The following CDH13 variants were observed in gnomAD, a reference collection of about 807,000 sequenced individuals.
The protein encoded by CDH13 is cadherin 13.
A neutral mutation model predicts 63.8 loss-of-function variants in CDH13; 24 were observed. The observed-to-expected ratio is 0.38, with a 90% CI of 0.27 to 0.53. CDH13 has a LOEUF of 0.53. Ranked by LOEUF, CDH13 falls within the 20% of genes least tolerant of loss-of-function variation. The pLI, the probability that CDH13 is intolerant of heterozygous loss-of-function variation, is 0.85. For missense variants in CDH13, 1,049 were observed against 903.1 expected, an observed-to-expected ratio of 1.16 and a Z score of -2.07; for synonymous variants, 503 against 355.3, an observed-to-expected ratio of 1.42 and a Z score of -4.67.
chr16:82,734,372 G>A (rs536135560), intron 1 of CDH13, among the ~76,000 whole-genome samples: 1 of 152,312 alleles, frequency 6.6e-6, no homozygotes, highest in African/African-American at 2.4e-5. Context: ...GTTTTCCAGG[G>A]AGAGGGGACA....
chr16:83,346,314 T>C (rs186260357), intron 6 of CDH13, among the ~76,000 whole-genome samples: 173 of 152,284 alleles, frequency 1.1e-3, no homozygotes, highest in Admixed American at 2.5e-3. Context: ...CTGCTTTTGA[T>C]GGAAAGATGG....
chr16:82,974,460 C>G (rs1909215272), intron 2 of CDH13, among the ~76,000 whole-genome samples: 1 of 152,046 alleles, frequency 6.6e-6, no homozygotes, highest in Non-Finnish European at 1.5e-5. Flanking sequence ...TTATATTTGC[C>G]CAGAAATGGA....
At chr16:82,836,233 C>G (rs1200316649) in intron 1 of CDH13, among the ~76,000 whole-genome samples, 1 of 152,152 alleles carries the variant, frequency 6.6e-6, no homozygotes, top group Non-Finnish European at 1.5e-5. Flanking sequence ...ACTGCAACCT[C>G]CACCTCCTGG....
intron 3 of CDH13, among the ~76,000 whole-genome samples, chr16:83,090,248 C>G (rs73598194): frequency 0.03 from 4,533 of 152,188 alleles, 224 homozygotes; most frequent in African/African-American, 0.1. Context: ...CTGGTTCAGA[C>G]CATCCCAATC....
intron 10 of CDH13, among the ~76,000 whole-genome samples, chr16:83,722,974 G>T (rs558178138): frequency 6.6e-6 from 1 of 152,336 alleles, no homozygotes; most frequent in East Asian, 1.9e-4. Flanking sequence ...TCTGAGCACA[G>T]AGCTGAGCTG....
At chr16:83,682,199 C>G (rs996887402) in intron 10 of CDH13, among the ~76,000 whole-genome samples, 2 of 152,164 alleles carry the variant, frequency 1.3e-5, no homozygotes, top group African/African-American at 4.8e-5. Flanking sequence ...ATAGCAGTAT[C>G]CTCTGAGAGA....
intron 5 of CDH13, among the ~76,000 whole-genome samples, chr16:83,267,265 T>C (rs577899024): frequency 6.6e-6 from 1 of 152,250 alleles, no homozygotes; most frequent in South Asian, 2.1e-4. Context: ...GATGGTTAAT[T>C]CCCCACCTCC....
rs1915406800 is a variant in CDH13, at chr16:83,779,969, C to G, written c.1683C>G (p.Gly561=). 3 of 1,603,288 alleles carry G rather than the reference C, an allele frequency of 1.9e-6. No individual in the cohort carries two copies. Among genetic ancestry groups the G allele is most frequent in the South Asian group, 1.1e-5 (1 of 90,356 alleles). ...YTALFLAIDS[G]NPPATGTGTL... ...CAACATCTTCCCTTTTTCCCACAGG[C>G]AACCCTCCCGCTACGGGCACTGGGA... The change falls in exon 12 of 14, where the codon GGC becomes GGG. Residue 561 remains glycine (G), a splice_region_variant and synonymous_variant. Transcript: ENST00000567109.
rs1294084405 is a variant in CDH13, at chr16:83,475,191, G to T, written c.782-11286G>T. ...CAGCACAGGGACTGTCTGAGCAAGG[G>T]GTTCTGTGCAACTGTGCAGGTCACA... On this transcript the variant is annotated intron_variant, in intron 6 of 13. Coordinates refer to ENST00000567109, the MANE Select transcript of CDH13 (RefSeq NM_001257.5). Among the ~76,000 whole-genome samples, 3 of 152,336 alleles carry T rather than the reference G, an allele frequency of 2.0e-5. No individual in the cohort carries two copies. In the East Asian group the frequency reaches 5.8e-4, roughly 29 times the overall value.
chr16:83,267,663 C>G (rs2088665885), intron 5 of CDH13, among the ~76,000 whole-genome samples: 2 of 152,198 alleles, frequency 1.3e-5, no homozygotes, highest in South Asian at 2.1e-4. Context: ...TGCAAGCTCA[C>G]TCATCATATG....
chr16:82,822,572 C>T (rs1035271978), intron 1 of CDH13, among the ~76,000 whole-genome samples: 3 of 152,192 alleles, frequency 2.0e-5, no homozygotes, highest in African/African-American at 7.2e-5. Context: ...TCAAAGCTCA[C>T]TGTAGCCTTC....
chr16:83,514,939 A>G (rs2074667633), intron 7 of CDH13, among the ~76,000 whole-genome samples: 1 of 152,174 alleles, frequency 6.6e-6, no homozygotes. Flanking sequence ...TAGTTACTGC[A>G]GCTCCTGGAC....
chr16:83,418,835 C>T (rs1487425383), intron 6 of CDH13, among the ~76,000 whole-genome samples: 1 of 152,160 alleles, frequency 6.6e-6, no homozygotes, highest in Admixed American at 6.6e-5. Context: ...CCTTCCCTTT[C>T]CTTCTTTTCT....
chr16:83,628,421 T>C (rs1910510193), intron 8 of CDH13, among the ~76,000 whole-genome samples: 1 of 152,164 alleles, frequency 6.6e-6, no homozygotes, highest in Non-Finnish European at 1.5e-5. Context: ...ATAGTTTATT[T>C]TTTATGTTTG....
chr16:82,931,334 A>G (rs2042483948), intron 2 of CDH13, among the ~76,000 whole-genome samples: 1 of 152,244 alleles, frequency 6.6e-6, no homozygotes, highest in South Asian at 2.1e-4. Flanking sequence ...AATCACTGCT[A>G]AATATGAATA....
intron 8 of CDH13, among the ~76,000 whole-genome samples, chr16:83,653,231 G>T (rs941663552): frequency 6.6e-6 from 1 of 152,128 alleles, no homozygotes; most frequent in African/African-American, 2.4e-5. Flanking sequence ...GATTGTGGTG[G>T]TGGTTGCACA....
At chr16:82,857,757 G>A (rs1425803899) in intron 1 of CDH13, among the ~76,000 whole-genome samples, 2 of 152,096 alleles carry the variant, frequency 1.3e-5, no homozygotes, top group Non-Finnish European at 2.9e-5. Context: ...TAATTAATAT[G>A]AAATTATTGA....
intron 4 of CDH13, among the ~76,000 whole-genome samples, chr16:83,184,255 C>T (rs2038443530): frequency 6.6e-6 from 1 of 152,142 alleles, no homozygotes; most frequent in African/African-American, 2.4e-5. Flanking sequence ...GATTTCTCTA[C>T]GGTGCTTTTA....
At chr16:82,631,986 G>C (rs187761303) in intron 1 of CDH13, among the ~76,000 whole-genome samples, 16 of 152,212 alleles carry the variant, frequency 1.1e-4, no homozygotes, top group Admixed American at 8.5e-4. Flanking sequence ...TTTAGCCATG[G>C]ATGCAGTTTG....
Sources: allele counts gnomAD v4.1 joint callset (sites outside exome capture counted in the v4.1 genomes callset), GRCh38; gene constraint gnomAD v4.1.1; transcripts MANE v1.5; gene names NCBI Gene and HGNC (gene_info 2026-07-23, HGNC 2026-07-21).